CDH13: variants seen among roughly 807,000 people sequenced by gnomAD.
CDH13 encodes cadherin 13.
A neutral mutation model predicts 63.8 loss-of-function variants in CDH13; 24 were observed. The ratio of observed to expected loss-of-function variants is 0.38; its 90% CI spans 0.27 to 0.53. The LOEUF is 0.53. Ranked by LOEUF, CDH13 falls within the 20% of genes least tolerant of loss-of-function variation. CDH13 has a pLI of 0.85. For synonymous variants in CDH13, 503 were observed against 355.3 expected, an observed-to-expected ratio of 1.42 and a Z score of -4.67; for missense variants, 1,049 against 903.1, an observed-to-expected ratio of 1.16 and a Z score of -2.07.
In CDH13 at chr16:83,247,029, G is replaced by T. The variant is rs564451106; in HGVS notation, c.636+29532G>T. Among the ~76,000 whole-genome samples the T allele has an allele frequency of 4.6e-5, 7 of 152,292 alleles. No homozygotes were observed. The South Asian group carries it at 1.5e-3, about 32-fold the overall frequency. ...ATGAACCAGAAAGGATATCAGATTA[G>T]ATCTGTAGGTGATGGTGAGAATGGA... On this transcript the variant is annotated intron_variant, in intron 5 of 13. Transcript: ENST00000567109.
At chr16:83,163,527 G>A (rs1230082310) in intron 4 of CDH13, among the ~76,000 whole-genome samples, 2 of 152,032 alleles carry the variant, frequency 1.3e-5, no homozygotes, top group African/African-American at 4.8e-5. Flanking sequence ...AGAGCCATTG[G>A]CACTCACCCA....
At chr16:83,516,720 G>T (rs2074706279) in intron 7 of CDH13, among the ~76,000 whole-genome samples, 2 of 152,124 alleles carry the variant, frequency 1.3e-5, no homozygotes, top group Admixed American at 6.5e-5. Context: ...TGAATATATA[G>T]TAAAAAAGCC....
At chr16:83,310,196 A>C (rs754376649) in intron 5 of CDH13, among the ~76,000 whole-genome samples, 5 of 152,248 alleles carry the variant, frequency 3.3e-5, no homozygotes, top group Non-Finnish European at 7.3e-5. Context: ...ACCTTGTGAA[A>C]GTCATTTTGA....
intron 2 of CDH13, among the ~76,000 whole-genome samples, chr16:82,863,959 C>T (rs570311589): frequency 1.2e-4 from 18 of 152,190 alleles, no homozygotes; most frequent in South Asian, 4.2e-4. Flanking sequence ...AAAACACTAC[C>T]GCCATTTACT....
chr16:83,414,838 A>G (rs1388753992), intron 6 of CDH13, among the ~76,000 whole-genome samples: 1 of 152,110 alleles, frequency 6.6e-6, no homozygotes, highest in Non-Finnish European at 1.5e-5. Context: ...GGTTGTTTGT[A>G]CCTCTTGTGT....
At chr16:83,084,987 C>G (rs7205332) in intron 3 of CDH13, among the ~76,000 whole-genome samples, 5,119 of 152,268 alleles carry the variant, frequency 0.034, 282 homozygotes, top group African/African-American at 0.12. Context: ...TTCAACAGTG[C>G]TATGAGAAAT....
chr16:82,902,066 A>G (rs17674675), intron 2 of CDH13, among the ~76,000 whole-genome samples: 11,230 of 152,264 alleles, frequency 0.074, 565 homozygotes, highest in Middle Eastern at 0.18. Flanking sequence ...TCTCATTTCA[A>G]AACTTGGGCT....
At position 83,783,284 on chromosome 16, in the gene CDH13, A is replaced by G; in HGVS notation, c.1946A>G (p.Asn649Ser). The G allele has an allele frequency of 6.2e-7, 1 of 1,613,960 alleles. No homozygotes were observed. Among genetic ancestry groups the G allele is most frequent in the Non-Finnish European group, 8.5e-7 (1 of 1,179,862 alleles). ...CACGCCCTGGTAAGCCTTCTTCAAA[A>G]TCTGAACAAAGCAAACTACAACCTG... ...NTHALVSLLQNLNKANYNLPI... is the reference protein window; with the variant it reads ...NTHALVSLLQSLNKANYNLPI... Residue 649 changes from asparagine (N) to serine (S), a missense_variant, in exon 13 of 14, where the codon AAT becomes AGT. By Grantham distance (46) the Asn-to-Ser change is conservative. Coordinates refer to ENST00000567109, the MANE Select transcript of CDH13 (RefSeq NM_001257.5).
At position 82,831,647 on chromosome 16, in the gene CDH13, G is replaced by A. The variant is rs150444798; in HGVS notation, c.46-26715G>A. On this transcript the variant is annotated intron_variant, in intron 1 of 13. Coordinates refer to ENST00000567109, the MANE Select transcript of CDH13 (RefSeq NM_001257.5). The stretch of plus-strand genomic sequence containing the variant: ...TCCAAAAAATAACAATAACGTCCAG[G>A]TCATTTCACTTATGAGACAGAAGAG... Among the ~76,000 whole-genome samples the A allele has an allele frequency of 3.6e-3, 552 of 152,266 alleles. 8 individuals are homozygous for A. The highest frequency in any genetic ancestry group is 0.012 in the African/African-American group (517 of 41,552).
chr16:83,521,331 T>C (rs1450011980), intron 7 of CDH13, among the ~76,000 whole-genome samples: 1 of 151,778 alleles, frequency 6.6e-6, no homozygotes, highest in Non-Finnish European at 1.5e-5. Context: ...TACTCTTTGC[T>C]CTTTGAAATT....
intron 5 of CDH13, among the ~76,000 whole-genome samples, chr16:83,234,644 A>G (rs766402802): frequency 3.3e-5 from 5 of 152,186 alleles, no homozygotes; most frequent in Admixed American, 6.5e-5. Flanking sequence ...CTCCCCTGCC[A>G]TGCCGGGGGC....
chr16:83,443,490 AG>A (rs1478329896), intron 6 of CDH13, among the ~76,000 whole-genome samples: 1 of 152,050 alleles, frequency 6.6e-6, no homozygotes, highest in Non-Finnish European at 1.5e-5. Context: ...ACGGGTTACT[AG>A]CCCCTCACTT....
chr16:83,152,426 C>G (rs1413991395), intron 4 of CDH13, among the ~76,000 whole-genome samples: 1 of 152,156 alleles, frequency 6.6e-6, no homozygotes, highest in Non-Finnish European at 1.5e-5. Flanking sequence ...TAGCATTGTT[C>G]TAGTTTTACT....
intron 8 of CDH13, among the ~76,000 whole-genome samples, chr16:83,636,798 A>G (rs1289055215): frequency 6.6e-6 from 1 of 152,158 alleles, no homozygotes; most frequent in Non-Finnish European, 1.5e-5. Context: ...GCTGGGCCAA[A>G]TGGTGCTTCA....
intron 6 of CDH13, 44 bp from the exon 7 acceptor site, chr16:83,486,433 A>G (rs1365695821): frequency 6.4e-7 from 1 of 1,569,132 alleles, no homozygotes; most frequent in South Asian, 1.2e-5. Context: ...GCCGTTGTTG[A>G]CCCATTGATA....
chr16:82,735,857 TA>T (rs1408599177), intron 1 of CDH13, among the ~76,000 whole-genome samples: 2 of 152,160 alleles, frequency 1.3e-5, no homozygotes, highest in African/African-American at 2.4e-5. Context: ...AGCCAGCCAA[TA>T]GAATCTAATG....
chr16:83,330,065 G>T (rs1007341596), intron 5 of CDH13, among the ~76,000 whole-genome samples: 1 of 152,182 alleles, frequency 6.6e-6, no homozygotes, highest in African/African-American at 2.4e-5. Flanking sequence ...GCAAATTAAA[G>T]ATTTAAAAGC....
rs77794707 is a variant in CDH13 at position 83,482,230 on chromosome 16, C to T, written c.782-4247C>T. On this transcript the variant is annotated intron_variant, in intron 6 of 13. Transcript: ENST00000567109. ...CAAGAAGCCAATTCAACCCAAAGAA[C>T]ACTGATGAGGACCTACCGCGTGTCA... Among the ~76,000 whole-genome samples, 409 of 152,318 alleles carry T rather than the reference C, an allele frequency of 2.7e-3. 2 individuals carry two copies. The highest frequency in any genetic ancestry group is 9.6e-3 in the African/African-American group (401 of 41,578).
rs142121042 is a variant in CDH13 at position 83,111,256 on chromosome 16, A to G, written c.367-14129A>G. Among the ~76,000 whole-genome samples the G allele has an allele frequency of 1.2e-3, 184 of 152,304 alleles. 1 individual carries two copies. The highest frequency in any genetic ancestry group is 4.2e-3 in the African/African-American group (175 of 41,576). On this transcript the variant is annotated intron_variant, in intron 3 of 13. Coordinates refer to ENST00000567109, the MANE Select transcript of CDH13 (RefSeq NM_001257.5). Reference sequence around the variant, plus strand: ...GGTCTTGGGAGGAGTAGAGTAAAAAAAATCCCTAATTTCTATTGATATAAT... The same window carrying G: ...GGTCTTGGGAGGAGTAGAGTAAAAAGAATCCCTAATTTCTATTGATATAAT...
Sources: gnomAD v4.1 joint callset for allele counts (sites outside exome capture counted in the v4.1 genomes callset) on GRCh38, gnomAD v4.1.1 for gene constraint, MANE v1.5 for transcripts, NCBI Gene and HGNC (gene_info 2026-07-23, HGNC 2026-07-21) for gene names.